ASIC2: variants seen among roughly 807,000 people sequenced by gnomAD.
ASIC2 encodes the protein acid-sensing ion channel 2.
A neutral mutation model predicts 57.3 loss-of-function variants in ASIC2; 25 were observed. The ratio of observed to expected loss-of-function variants is 0.44; its 90% CI spans 0.32 to 0.61. The LOEUF is 0.61. Among genes scored for constraint, ASIC2 ranks in the 20% least tolerant of loss-of-function variants. The pLI, the probability that ASIC2 is intolerant of heterozygous loss-of-function variation, is 0.06. For missense variants in ASIC2, 641 were observed against 738.1 expected (o/e 0.87, Z 1.52); for synonymous variants, 319 against 307.5 (o/e 1.04, Z -0.39).
chr17:33,536,900 G>C (rs1429414023), intron 1 of ASIC2, among the ~76,000 whole-genome samples: 4 of 152,102 alleles, frequency 2.6e-5, no homozygotes, highest in Non-Finnish European at 5.9e-5. Flanking sequence ...TTGGGGCAGG[G>C]GGAGGGGTGC....
At chr17:33,746,757 A>G (rs1250089485) in intron 1 of ASIC2, among the ~76,000 whole-genome samples, 2 of 152,166 alleles carry the variant, frequency 1.3e-5, no homozygotes, top group Non-Finnish European at 2.9e-5. Flanking sequence ...ACTCAATTAC[A>G]GCAGAATATA....
chr17:33,751,203 C>G (rs1392844585), intron 1 of ASIC2, among the ~76,000 whole-genome samples: 3 of 152,158 alleles, frequency 2.0e-5, no homozygotes, highest in African/African-American at 2.4e-5. Context: ...GATTACAGCC[C>G]TATCATTAAT....
At chr17:34,148,182 T>A (rs1431173524) in intron 1 of ASIC2, among the ~76,000 whole-genome samples, 3 of 152,192 alleles carry the variant, frequency 2.0e-5, no homozygotes, top group African/African-American at 7.2e-5. Context: ...GACACAGACA[T>A]GCACATTCAC....
In ASIC2 at chr17:34,014,314, A is replaced by G. The variant is rs544051637; in HGVS notation, c.555+141664T>C. Among the ~76,000 whole-genome samples, 7 of 152,296 alleles carry G rather than the reference A, an allele frequency of 4.6e-5. No individual in the cohort carries two copies. The South Asian group carries it at 1.5e-3, about 32-fold the overall frequency. The stretch of plus-strand genomic sequence containing the variant: ...TAGCTACCATGTGGCAAGGCTCCAG[A>G]TGTGAAACCAGGTGGTTTGGCCGGA... On this transcript the variant is annotated intron_variant, in intron 1 of 9. Coordinates refer to the ASIC2 transcript ENST00000359872.
At chr17:33,982,704 TCTC>T (rs1905670137) in intron 1 of ASIC2, among the ~76,000 whole-genome samples, 1 of 152,292 alleles carries the variant, frequency 6.6e-6, no homozygotes, top group Admixed American at 6.5e-5. Flanking sequence ...TCAACTATCA[TCTC>T]CTCTGGGAAG....
intron 1 of ASIC2, among the ~76,000 whole-genome samples, chr17:33,857,192 T>G (rs1024929241): frequency 6.6e-6 from 1 of 152,188 alleles, no homozygotes; most frequent in Non-Finnish European, 1.5e-5. Flanking sequence ...CCCTTTCTGC[T>G]GCTGGTCAAC....
intron 3 of ASIC2, among the ~76,000 whole-genome samples, chr17:33,037,608 G>C (rs2091914567): frequency 6.6e-6 from 1 of 152,084 alleles, no homozygotes; most frequent in African/African-American, 2.4e-5. Flanking sequence ...GACTCAGGAG[G>C]ACCCTGAAGC....
intron 3 of ASIC2, among the ~76,000 whole-genome samples, chr17:33,047,987 G>A (rs561531591): frequency 6.6e-6 from 1 of 152,270 alleles, no homozygotes; most frequent in East Asian, 1.9e-4. Context: ...CTTACCCCCA[G>A]TGTGACAATT....
chr17:33,161,970 C>T (rs1176102749), intron 1 of ASIC2, among the ~76,000 whole-genome samples: 1 of 143,332 alleles, frequency 7.0e-6, no homozygotes, highest in Non-Finnish European at 1.5e-5. Context: ...GGTAAAGACA[C>T]TAGCCGTTCT....
At chr17:33,782,881 TC>T (rs1364808929) in intron 1 of ASIC2, among the ~76,000 whole-genome samples, 1 of 152,172 alleles carries the variant, frequency 6.6e-6, no homozygotes, top group Non-Finnish European at 1.5e-5. Context: ...TATCTCCTCC[TC>T]TCCGTCCCAC....
chr17:33,128,052 A>G lies in ASIC2; in HGVS notation c.709-15985T>C, dbSNP rs150764097. On this transcript the variant is annotated intron_variant, in intron 1 of 9. Coordinates refer to ENST00000225823, the MANE Select transcript of ASIC2 (RefSeq NM_183377.2). ...CAGACATGCTGACATCTATGCTCAG[A>G]ACATGTCCCTGCCTTCATTGAGTTA... Among the ~76,000 whole-genome samples, 307 of 152,322 alleles carry G rather than the reference A, an allele frequency of 2.0e-3. 1 individual carries two copies. Among genetic ancestry groups the G allele is most frequent in the African/African-American group, 7.2e-3 (299 of 41,560 alleles).
At chr17:34,077,016 T>C (rs1432156402) in intron 1 of ASIC2, among the ~76,000 whole-genome samples, 1 of 152,126 alleles carries the variant, frequency 6.6e-6, no homozygotes. Flanking sequence ...GAAAACACCA[T>C]ATATTGCAGG....
chr17:33,601,833 G>A (rs1367545528), intron 1 of ASIC2, among the ~76,000 whole-genome samples: 2 of 152,378 alleles, frequency 1.3e-5, no homozygotes, highest in East Asian at 1.9e-4. Context: ...TGCCCGGGAT[G>A]CAGGACATGG....
intron 1 of ASIC2, among the ~76,000 whole-genome samples, chr17:33,266,914 G>A (rs905774375): frequency 6.6e-6 from 1 of 152,110 alleles, no homozygotes; most frequent in Non-Finnish European, 1.5e-5. Context: ...GCTTGACAAG[G>A]GAAACTGCTT....
intron 1 of ASIC2, among the ~76,000 whole-genome samples, chr17:33,595,266 G>A (rs868348854): frequency 6.6e-6 from 1 of 152,188 alleles, no homozygotes; most frequent in Non-Finnish European, 1.5e-5. Context: ...TGAAAACCAG[G>A]TCTGTCTGAC....
intron 1 of ASIC2, among the ~76,000 whole-genome samples, chr17:33,858,481 C>T (rs1314167416): frequency 6.6e-6 from 1 of 152,192 alleles, no homozygotes; most frequent in Admixed American, 6.5e-5. Context: ...TTGTTTAGTT[C>T]AAAGACCTCA....
chr17:33,493,943 G>T (rs1168098818), intron 1 of ASIC2, among the ~76,000 whole-genome samples: 1 of 152,204 alleles, frequency 6.6e-6, no homozygotes, highest in Non-Finnish European at 1.5e-5. Flanking sequence ...ACCCTCTGTA[G>T]AAGTTATTAT....
chr17:34,095,651 A>AATTT (rs1268711151), intron 1 of ASIC2, among the ~76,000 whole-genome samples: 29 of 99,792 alleles, frequency 2.9e-4, no homozygotes, highest in African/African-American at 1.4e-3. Flanking sequence ...ATATATATAT[A>AATTT]TATAATTTTA....
intron 1 of ASIC2, among the ~76,000 whole-genome samples, chr17:33,758,510 A>T (rs1597864287): frequency 1.3e-5 from 2 of 152,276 alleles, no homozygotes; most frequent in East Asian, 3.9e-4. Flanking sequence ...ACTCATGTTA[A>T]AATATAATCC....
Sources: allele counts gnomAD v4.1 joint callset (sites outside exome capture counted in the v4.1 genomes callset), GRCh38; gene constraint gnomAD v4.1.1; transcripts MANE v1.5; gene names NCBI Gene and HGNC (gene_info 2026-07-23, HGNC 2026-07-21).